Variants in TEX11 observed in about 807,000 individuals in gnomAD.
TEX11 encodes testis expressed 11.
In TEX11, 7 loss-of-function variants were observed where a neutral mutation model predicts 84.4. The observed-to-expected ratio is 0.08, with a 90% CI of 0.05 to 0.16. TEX11 has a LOEUF of 0.16. Ranked by LOEUF, TEX11 falls within the 10% of genes least tolerant of loss-of-function variation. The pLI, the probability that TEX11 is intolerant of heterozygous loss-of-function variation, is 1.00. For missense variants in TEX11, 551 were observed against 660.5 expected (o/e 0.83, Z 1.82); for synonymous variants, 264 against 222.8 (o/e 1.18, Z -1.64).
chrX:70,720,280 A>G (rs1237387855), intron 13 of TEX11, among the ~76,000 whole-genome samples: 2 of 111,213 alleles, frequency 1.8e-5, no homozygotes, highest in African/African-American at 6.5e-5. Flanking sequence ...CAAAAAACCA[A>G]ACACTGCATG....
Position 70,851,135 on chromosome X carries a change from C to G in TEX11, c.525+1899G>C, listed in dbSNP as rs758814008. On this transcript the variant is annotated intron_variant, in intron 7 of 29. Transcript: ENST00000374333. ...GGAAATGTAAGGGACCCAGAAAAGT[C>G]CAAACACTCTTTAAAAAGAACAAAA... Among the ~76,000 whole-genome samples the G allele has an allele frequency of 2.7e-5, 3 of 111,465 alleles. No individual in the cohort carries two copies. The East Asian group carries it at 8.4e-4, about 31-fold the overall frequency.
intron 13 of TEX11, among the ~76,000 whole-genome samples, chrX:70,715,288 G>A (rs954611719): frequency 2.7e-5 from 3 of 110,320 alleles, no homozygotes; most frequent in African/African-American, 1.0e-4. Context: ...TGCTCTTCTC[G>A]AGGTGTATCT....
At chrX:70,779,068 TA>T (rs991342209) in intron 9 of TEX11, among the ~76,000 whole-genome samples, 4 of 109,834 alleles carry the variant, frequency 3.6e-5, no homozygotes, top group African/African-American at 6.6e-5. Flanking sequence ...TTTTAAAAAT[TA>T]AAAAAAAATT....
chrX:70,744,411 T>A (rs964737764), intron 9 of TEX11, among the ~76,000 whole-genome samples, 192 bp from the exon 10 acceptor site: 1 of 108,957 alleles, frequency 9.2e-6, no homozygotes, highest in Non-Finnish European at 1.9e-5. Context: ...ACTTTCTAAC[T>A]GTAGAAAACA....
Position 70,608,672 on chromosome X carries a change from C to T in TEX11, c.1879+419G>A, listed in dbSNP as rs969958929. 1.6e-3 allele frequency among the ~76,000 whole-genome samples: 165 copies of T among 103,721 alleles called. 1 individual carries two copies. Among genetic ancestry groups the T allele is most frequent in the African/African-American group, 5.8e-3 (161 of 27,856 alleles). 90.1% of individuals were successfully genotyped at this position (103,721 alleles called of 115,157 possible). ...AGGAGAATGGTGTGAACCCGGGAGG[C>T]GGAGCTGGCAGTGAGCTGAGATCAA... On this transcript the variant is annotated intron_variant, in intron 22 of 29. Coordinates refer to ENST00000374333, the MANE Select transcript of TEX11 (RefSeq NM_031276.3).
At chrX:70,785,580 G>A (rs1222247904) in intron 9 of TEX11, among the ~76,000 whole-genome samples, 1 of 111,825 alleles carries the variant, frequency 8.9e-6, no homozygotes, top group Admixed American at 9.5e-5. Flanking sequence ...CTGACAAAGG[G>A]CTAATACGCA....
chrX:70,660,059 T>C (rs2089910514), intron 16 of TEX11, among the ~76,000 whole-genome samples: 1 of 112,152 alleles, frequency 8.9e-6, no homozygotes, highest in African/African-American at 3.2e-5. Flanking sequence ...ATGGTAAGTA[T>C]TTATATATCT....
chrX:70,782,450 T>A (rs1569439694), intron 9 of TEX11, among the ~76,000 whole-genome samples: 1 of 109,848 alleles, frequency 9.1e-6, no homozygotes, highest in Non-Finnish European at 1.9e-5. Context: ...AGTGACGGGA[T>A]TAAATTCACA....
intron 25 of TEX11, among the ~76,000 whole-genome samples, chrX:70,579,149 A>G (rs2088726614): frequency 9.0e-6 from 1 of 110,983 alleles, no homozygotes; most frequent in Admixed American, 9.7e-5. Context: ...TCCAGAATTA[A>G]GGTATATCTT....
At chrX:70,651,806 T>C (rs764503637) in intron 16 of TEX11, among the ~76,000 whole-genome samples, 23 of 111,759 alleles carry the variant, frequency 2.1e-4, no homozygotes, top group African/African-American at 2.6e-4. Flanking sequence ...TTGGATGATA[T>C]ATTAATTTTT....
At chrX:70,521,279 C>CT in the TEX11 span, among the ~76,000 whole-genome samples, 39 of 104,419 alleles carry the variant, frequency 3.7e-4, no homozygotes, top group Middle Eastern at 5.0e-3. Flanking sequence ...TGGAATGGGC[C>CT]TTTTTTTTTT....
intron 24 of TEX11, among the ~76,000 whole-genome samples, chrX:70,602,526 A>G (rs1453851669): frequency 9.4e-6 from 1 of 106,353 alleles, no homozygotes; most frequent in Non-Finnish European, 1.9e-5. Context: ...AACTCTCAAT[A>G]AATTAGGTAT....
chrX:70,735,765 C>T lies in TEX11; in HGVS notation c.843+4936G>A, dbSNP rs2090691027. Among the ~76,000 whole-genome samples the T allele has an allele frequency of 2.7e-5, 3 of 111,999 alleles. No individual in the cohort carries two copies. The South Asian group carries it at 1.1e-3, about 41-fold the overall frequency. On this transcript the variant is annotated intron_variant, in intron 11 of 29. Transcript: ENST00000374333. ...TGCAAGAGATTCAGAAGAGCCAAAA[C>T]AATTCTGAAATAAAAACAAGTCGGA...
intron 25 of TEX11, among the ~76,000 whole-genome samples, chrX:70,561,918 T>C (rs1263388046): frequency 1.8e-5 from 2 of 112,333 alleles, no homozygotes; most frequent in African/African-American, 6.5e-5. Flanking sequence ...TTAGTCTATG[T>C]GAAATAGTAA....
rs139640583 is a variant in TEX11, at chrX:70,870,926, G to A, written c.244+2297C>T. Among the ~76,000 whole-genome samples, 169 of 111,187 alleles carry A rather than the reference G, an allele frequency of 1.5e-3. 2 individuals are homozygous for A. Among genetic ancestry groups the A allele is most frequent in the Non-Finnish European group, 2.0e-3 (107 of 52,905 alleles). ...GTGATTCTGATTTTTTGGGGGGAGG[G>A]GGAGGGACGGAGTTTCACTCTTGTC... On this transcript the variant is annotated intron_variant, in intron 4 of 29. Transcript: ENST00000374333.
At chrX:70,662,273 A>G (rs1470012758) in intron 16 of TEX11, among the ~76,000 whole-genome samples, 2 of 111,802 alleles carry the variant, frequency 1.8e-5, no homozygotes, top group Non-Finnish European at 3.8e-5. Context: ...CAGCGATGGA[A>G]GATCAAATGA....
intron 9 of TEX11, among the ~76,000 whole-genome samples, chrX:70,803,749 A>C (rs1269229036): frequency 8.9e-6 from 1 of 111,921 alleles, no homozygotes; most frequent in Non-Finnish European, 1.9e-5. Context: ...TCTGGTATAA[A>C]ATTTACAGAA....
chrX:70,579,571 A>G (rs1603096728), intron 25 of TEX11, among the ~76,000 whole-genome samples: 1 of 111,195 alleles, frequency 9.0e-6, no homozygotes, highest in African/African-American at 3.3e-5. Flanking sequence ...ACAGAATGGG[A>G]AAAAGTATTT....
chrX:70,519,977 A>T, the TEX11 span, among the ~76,000 whole-genome samples: 1 of 111,638 alleles, frequency 9.0e-6, no homozygotes. Context: ...AGGTCATTTA[A>T]GGTCTTCTCT....
Sources: gnomAD v4.1 joint callset for allele counts (sites outside exome capture counted in the v4.1 genomes callset) on GRCh38, gnomAD v4.1.1 for gene constraint, MANE v1.5 for transcripts, NCBI Gene and HGNC (gene_info 2026-07-23, HGNC 2026-07-21) for gene names.